The following SLC25A21 variants were observed in gnomAD, a reference collection of about 807,000 sequenced individuals.
SLC25A21 encodes the protein mitochondrial 2-oxodicarboxylate carrier.
SLC25A21 carries 47 observed loss-of-function variants against 43.8 expected under a neutral mutation model. The ratio of observed to expected loss-of-function variants is 1.07; its 90% CI spans 0.85 to 1.37. The LOEUF is 1.37. Among genes scored for constraint, SLC25A21 ranks in the 40% most tolerant of loss-of-function variants. The probability of loss-of-function intolerance (pLI) is 0.00; values close to 1 mark genes in which losing one functional copy is unlikely to be tolerated. For synonymous variants in SLC25A21, 131 were observed against 121.3 expected, an observed-to-expected ratio of 1.08 and a Z score of -0.52; for missense variants, 352 against 350.2, an observed-to-expected ratio of 1.00 and a Z score of -0.04.
At chr14:36,937,490 G>A (rs1224016170) in intron 1 of SLC25A21, among the ~76,000 whole-genome samples, 1 of 152,176 alleles carries the variant, frequency 6.6e-6, no homozygotes, top group Non-Finnish European at 1.5e-5. Flanking sequence ...TGATAAATAT[G>A]TGATGTGTAC....
intron 3 of SLC25A21, among the ~76,000 whole-genome samples, chr14:36,750,203 T>C (rs1885653316): frequency 6.6e-6 from 1 of 152,258 alleles, no homozygotes; most frequent in South Asian, 2.1e-4. Flanking sequence ...TCCTACCAAA[T>C]GTCCATTTTT....
intron 1 of SLC25A21, among the ~76,000 whole-genome samples, chr14:36,970,248 C>A (rs887426956): frequency 1.3e-5 from 2 of 152,144 alleles, no homozygotes; most frequent in Non-Finnish European, 2.9e-5. Context: ...GGGCACTTTT[C>A]ATCCCTTCTC....
chr14:36,769,129 G>A lies in SLC25A21; in HGVS notation c.204-34556C>T, dbSNP rs187232882. Among the ~76,000 whole-genome samples, 19 of 152,276 alleles carry A rather than the reference G, an allele frequency of 1.2e-4. No homozygotes were observed. In the East Asian group the frequency reaches 3.1e-3, roughly 25 times the overall value. ...CTGCAGCTGTGGATAAGGGACATAG[G>A]TGATGTGGCATTACTGAAGTGTCAA... On this transcript the variant is annotated intron_variant, in intron 3 of 9. Transcript: ENST00000331299.
intron 1 of SLC25A21, among the ~76,000 whole-genome samples, chr14:37,004,003 G>T (rs556434159): frequency 6.6e-6 from 1 of 152,120 alleles, no homozygotes; most frequent in Admixed American, 6.5e-5. Flanking sequence ...AATTTGGTGG[G>T]AATGAGAACT....
chr14:36,741,047 A>C (rs1885235882), intron 3 of SLC25A21, among the ~76,000 whole-genome samples: 1 of 152,026 alleles, frequency 6.6e-6, no homozygotes, highest in Non-Finnish European at 1.5e-5. Context: ...TGAAAATTTG[A>C]CTCAGGTAAA....
chr14:36,739,802 C>T (rs17105198), intron 3 of SLC25A21, among the ~76,000 whole-genome samples: 2,192 of 152,222 alleles, frequency 0.014, 53 homozygotes, highest in African/African-American at 0.05. Flanking sequence ...TAAGTGATGC[C>T]CATACTCCGT....
chr14:37,045,601 C>T (rs2138790208), intron 1 of SLC25A21, among the ~76,000 whole-genome samples: 1 of 152,306 alleles, frequency 6.6e-6, no homozygotes, highest in Non-Finnish European at 1.5e-5. Flanking sequence ...GTTTCCACCC[C>T]AGGGTAACAA....
intron 1 of SLC25A21, among the ~76,000 whole-genome samples, chr14:37,167,834 G>T (rs893404785): frequency 2.6e-5 from 4 of 151,142 alleles, no homozygotes; most frequent in African/African-American, 9.7e-5. Flanking sequence ...AGACAGCTTC[G>T]ACTCCCTATG....
At chr14:37,081,237 A>ATGTACCTAATGTTAC (rs2138838482) in intron 1 of SLC25A21, among the ~76,000 whole-genome samples, 1 of 152,314 alleles carries the variant, frequency 6.6e-6, no homozygotes, top group East Asian at 1.9e-4. Context: ...ACACTTTTTA[A>ATGTACCTAATGTTAC]ATGGCCTAAT....
chr14:37,070,479 T>C (rs1198054990), intron 1 of SLC25A21, among the ~76,000 whole-genome samples: 9 of 152,182 alleles, frequency 5.9e-5, no homozygotes, highest in Admixed American at 5.9e-4. Context: ...TTGTATGATA[T>C]TATAAATTTT....
intron 1 of SLC25A21, among the ~76,000 whole-genome samples, chr14:36,977,312 A>G (rs1170825154): frequency 2.0e-5 from 3 of 152,188 alleles, no homozygotes; most frequent in African/African-American, 7.2e-5. Context: ...GACTTATTGC[A>G]TTGACCAGAG....
chr14:36,895,786 T>C (rs1191699155), intron 1 of SLC25A21, among the ~76,000 whole-genome samples: 1 of 152,214 alleles, frequency 6.6e-6, no homozygotes, highest in Non-Finnish European at 1.5e-5. Context: ...TCTGCCTTCA[T>C]TTCGTTATGT....
intron 1 of SLC25A21, among the ~76,000 whole-genome samples, chr14:37,093,559 G>A (rs775537121): frequency 2.0e-5 from 3 of 152,306 alleles, no homozygotes; most frequent in Non-Finnish European, 4.4e-5. Context: ...AGACTGACAC[G>A]TGACTAATTA....
intron 1 of SLC25A21, among the ~76,000 whole-genome samples, chr14:36,951,944 A>C (rs936363000): frequency 2.6e-5 from 4 of 152,174 alleles, no homozygotes; most frequent in Non-Finnish European, 5.9e-5. Flanking sequence ...GGCCAATAAA[A>C]GAGAATCAGG....
chr14:37,002,880 A>G (rs531798598), intron 1 of SLC25A21, among the ~76,000 whole-genome samples: 1 of 152,320 alleles, frequency 6.6e-6, no homozygotes, highest in South Asian at 2.1e-4. Flanking sequence ...TTACATTTGT[A>G]AAAGGTAACA....
intron 1 of SLC25A21, among the ~76,000 whole-genome samples, chr14:37,126,330 T>G (rs1963296614): frequency 6.6e-6 from 1 of 152,152 alleles, no homozygotes. Flanking sequence ...ACCAAAATGG[T>G]ACTTGGCCAA....
At chr14:36,817,542 G>T (rs1295968730) in intron 2 of SLC25A21, among the ~76,000 whole-genome samples, 1 of 152,140 alleles carries the variant, frequency 6.6e-6, no homozygotes, top group Non-Finnish European at 1.5e-5. Context: ...GTTGCTCAGG[G>T]TGCATGGAGA....
chr14:36,710,460 C>T (rs895842197), intron 7 of SLC25A21, among the ~76,000 whole-genome samples: 6 of 152,036 alleles, frequency 3.9e-5, no homozygotes, highest in African/African-American at 1.4e-4. Flanking sequence ...GAAACAGGGT[C>T]TTACTCTGTT....
intron 2 of SLC25A21, among the ~76,000 whole-genome samples, chr14:36,858,224 CA>C (rs1263522390): frequency 6.6e-6 from 1 of 152,124 alleles, no homozygotes; most frequent in East Asian, 1.9e-4. Flanking sequence ...GTGGTGTCTC[CA>C]TCTCTGCCTG....
Sources: allele counts gnomAD v4.1 joint callset (sites outside exome capture counted in the v4.1 genomes callset), GRCh38; gene constraint gnomAD v4.1.1; transcripts MANE v1.5; gene names NCBI Gene and HGNC (gene_info 2026-07-23, HGNC 2026-07-21).